Variants in ATF1 observed in about 807,000 individuals in gnomAD.
ATF1 encodes the protein activating transcription factor 1, also known as cyclic AMP-dependent transcription factor ATF-1.
ATF1 carries 16 observed loss-of-function variants against 34.7 expected under a neutral mutation model. That is an observed-to-expected ratio of 0.46 (90% CI 0.31 to 0.70). The LOEUF is 0.70. ATF1 is among the 30% of genes least tolerant of loss of function. ATF1 has a pLI of 0.05. For synonymous variants in ATF1, 105 were observed against 113.1 expected, an observed-to-expected ratio of 0.93 and a Z score of 0.46; for missense variants, 255 against 321.6, an observed-to-expected ratio of 0.79 and a Z score of 1.58.
At chr12:50,819,567 GA>G in intron 6 of ATF1, 67 bp from the exon 7 acceptor site, 1 of 1,545,960 alleles carries the variant, frequency 6.5e-7, no homozygotes. Flanking sequence ...GAAAATTACT[GA>G]AGAACATTTA....
At chr12:50,780,864 G>A (rs1941045045) in intron 2 of ATF1, among the ~76,000 whole-genome samples, 1 of 152,106 alleles carries the variant, frequency 6.6e-6, no homozygotes, top group African/African-American at 2.4e-5. Context: ...GGAGGCTGAG[G>A]CAGGAGAATC....
chr12:50,795,795 T>A, intron 2 of ATF1, 114 bp from the exon 3 acceptor site: 2 of 775,388 alleles, frequency 2.6e-6, no homozygotes, highest in South Asian at 3.4e-5. Context: ...TTAGATTTAA[T>A]GTACAAATGA....
intron 1 of ATF1, chr12:50,775,613 A>C (rs531725060): frequency 1.3e-5 from 2 of 151,494 alleles, no homozygotes; most frequent in Non-Finnish European, 2.9e-5. Flanking sequence ...TCCAGGATGG[A>C]GAAGTAGGAA....
chr12:50,784,589 CATATACCACTGTAA>C (rs1941143556), intron 2 of ATF1, among the ~76,000 whole-genome samples: 1 of 152,030 alleles, frequency 6.6e-6, no homozygotes, highest in African/African-American at 2.4e-5. Context: ...TAATGTAGGC[CATATACCACTGTAA>C]AATTTTTGTG....
At chr12:50,780,648 A>G (rs1349034226) in intron 2 of ATF1, among the ~76,000 whole-genome samples, 1 of 58,582 alleles carries the variant, frequency 1.7e-5, no homozygotes, top group Admixed American at 1.6e-4. Context: ...CCTGGCATTA[A>G]TGTTAAAAAA....
intron 3 of ATF1, among the ~76,000 whole-genome samples, chr12:50,807,273 C>T (rs1472590552): frequency 6.6e-6 from 1 of 151,746 alleles, no homozygotes; most frequent in Non-Finnish European, 1.5e-5. Context: ...GGTATGATGG[C>T]GTGTACCTAT....
chr12:50,766,511 CTT>C (rs111298206), intron 1 of ATF1, among the ~76,000 whole-genome samples: 6 of 143,370 alleles, frequency 4.2e-5, no homozygotes, highest in South Asian at 2.2e-4. Flanking sequence ...AAAGGGGAGT[CTT>C]TTTTTTTTTT....
chr12:50,812,634 G>A (rs1022549242), intron 4 of ATF1, among the ~76,000 whole-genome samples: 2 of 152,032 alleles, frequency 1.3e-5, no homozygotes, highest in African/African-American at 4.8e-5. Flanking sequence ...GACCAGACTG[G>A]GCAATATAGG....
chr12:50,788,711 C>T (rs1304009439), intron 2 of ATF1, among the ~76,000 whole-genome samples: 3 of 152,152 alleles, frequency 2.0e-5, no homozygotes, highest in South Asian at 2.1e-4. Context: ...GGCACTTTTG[C>T]GGTCATTCAT....
chr12:50,789,699 G>A (rs982435454), intron 2 of ATF1, among the ~76,000 whole-genome samples: 3 of 152,058 alleles, frequency 2.0e-5, no homozygotes, highest in Non-Finnish European at 4.4e-5. Flanking sequence ...AGGTTGCAGG[G>A]AGCCGAGATT....
chr12:50,779,924 G>A (rs1479146273), intron 1 of ATF1, among the ~76,000 whole-genome samples: 1 of 152,104 alleles, frequency 6.6e-6, no homozygotes, highest in Non-Finnish European at 1.5e-5. Flanking sequence ...CATAATTTAT[G>A]TTTATATGTG....
chr12:50,804,335 A>T (rs934926429), intron 3 of ATF1, among the ~76,000 whole-genome samples: 3 of 152,222 alleles, frequency 2.0e-5, no homozygotes, highest in Non-Finnish European at 4.4e-5. Flanking sequence ...GTTCACCAAG[A>T]AGACATAATC....
In ATF1 at chr12:50,788,334, C is replaced by T. The variant is rs1189619880; in HGVS notation, c.94-7575C>T. 1.3e-5 allele frequency: 5 copies of T among 399,688 alleles called. 1 individual carries two copies. Among genetic ancestry groups the T allele is most frequent in the East Asian group, 7.6e-5 (1 of 13,148 alleles). The allele number at this position is 399,688 out of a possible 1,614,324, so 24.8% of individuals were successfully genotyped here. ...AGTAGCAGGGACCACAGGTGTGTGCCATCACATCCGGCTAAACTTTTTGTA... is the reference window on the plus strand; with the variant it reads ...AGTAGCAGGGACCACAGGTGTGTGCTATCACATCCGGCTAAACTTTTTGTA... On this transcript the variant is annotated intron_variant, in intron 2 of 6. Coordinates refer to ENST00000262053, the MANE Select transcript of ATF1 (RefSeq NM_005171.5).
Position 50,795,830 on chromosome 12 carries a change from T to C in ATF1, c.94-79T>C, listed in dbSNP as rs920924136. 74 of 1,120,828 alleles carry C rather than the reference T, an allele frequency of 6.6e-5. No individual in the cohort carries two copies. The East Asian group carries it at 1.8e-3, about 27-fold the overall frequency. 69.4% of individuals were successfully genotyped at this position (1,120,828 alleles called of 1,614,324 possible). ...AATTGGAGTGGCAGGAGACAGATCA[T>C]TTTTTTCTAAAAGTAAAAATTCAGT... On this transcript the variant is annotated intron_variant, in intron 2 of 6. Transcript: ENST00000262053.
chr12:50,801,981 A>G (rs1208237524), intron 3 of ATF1, among the ~76,000 whole-genome samples: 1 of 152,232 alleles, frequency 6.6e-6, no homozygotes, highest in South Asian at 2.1e-4. Flanking sequence ...CACTTTGTAC[A>G]TGACAGTATC....
At chr12:50,780,343 T>G in intron 2 of ATF1, 105 bp downstream of exon 2, 1 of 1,115,740 alleles carries the variant, frequency 9.0e-7, no homozygotes. Flanking sequence ...TGGTTTTTGT[T>G]TTTTGGGTTT....
At chr12:50,817,479 C>T (rs1245754326) in intron 6 of ATF1, among the ~76,000 whole-genome samples, 4 of 151,952 alleles carry the variant, frequency 2.6e-5, no homozygotes, top group East Asian at 1.9e-4. Context: ...GGGTCATATA[C>T]GTATATACTA....
At chr12:50,807,560 G>C (rs1941639701) in intron 3 of ATF1, among the ~76,000 whole-genome samples, 1 of 152,092 alleles carries the variant, frequency 6.6e-6, no homozygotes, top group Non-Finnish European at 1.5e-5. Context: ...AGGTTTTCAG[G>C]AATGTTAGAG....
intron 3 of ATF1, among the ~76,000 whole-genome samples, chr12:50,801,287 G>A (rs927171709): frequency 2.0e-5 from 3 of 152,034 alleles, no homozygotes; most frequent in Non-Finnish European, 2.9e-5. Flanking sequence ...ACTATAAAAA[G>A]CTAGGTATCT....
Sources: allele counts gnomAD v4.1 joint callset (sites outside exome capture counted in the v4.1 genomes callset), GRCh38; gene constraint gnomAD v4.1.1; transcripts MANE v1.5; gene names NCBI Gene and HGNC (gene_info 2026-07-23, HGNC 2026-07-21).